KCTD16: variants seen among roughly 807,000 people sequenced by gnomAD.
The protein encoded by KCTD16 is potassium channel tetramerization domain containing 16, also known as BTB/POZ domain-containing protein KCTD16.
A neutral mutation model predicts 33.2 loss-of-function variants in KCTD16; 13 were observed. That is an observed-to-expected ratio of 0.39 (90% confidence interval 0.25 to 0.62). The LOEUF (loss-of-function observed/expected upper bound fraction) is 0.62. Among genes scored for constraint, KCTD16 ranks in the 20% least tolerant of loss-of-function variants. The pLI is 0.50. For synonymous variants in KCTD16, 197 were observed against 195.3 expected (o/e 1.01, Z -0.07); for missense variants, 441 against 525.1 (o/e 0.84, Z 1.57).
intron 3 of KCTD16, among the ~76,000 whole-genome samples, chr5:144,318,959 A>G (rs984848744): frequency 1.3e-5 from 2 of 152,314 alleles, no homozygotes; most frequent in South Asian, 4.1e-4. Context: ...ACACTGTTTA[A>G]AGAAAAGTTT....
chr5:144,323,331 C>G (rs1168047101), intron 3 of KCTD16, among the ~76,000 whole-genome samples: 2 of 152,038 alleles, frequency 1.3e-5, no homozygotes, highest in Non-Finnish European at 1.5e-5. Flanking sequence ...TCTGGGTTCT[C>G]CAAGAAACAG....
At chr5:144,250,668 T>G (rs1754673416) in intron 3 of KCTD16, among the ~76,000 whole-genome samples, 1 of 152,154 alleles carries the variant, frequency 6.6e-6, no homozygotes, top group Non-Finnish European at 1.5e-5. Context: ...CTTTTTAGAG[T>G]CAGACATACT....
At chr5:144,245,357 GA>G (rs1244187048) in intron 3 of KCTD16, among the ~76,000 whole-genome samples, 1 of 152,182 alleles carries the variant, frequency 6.6e-6, no homozygotes, top group Non-Finnish European at 1.5e-5. Context: ...AGAAGTCAAG[GA>G]AAACATCCGC....
chr5:144,391,978 C>A (rs756325009), intron 3 of KCTD16, among the ~76,000 whole-genome samples: 11 of 152,206 alleles, frequency 7.2e-5, no homozygotes, highest in Middle Eastern at 3.4e-3. Flanking sequence ...GGGGAAAAAA[C>A]CATTATTTCT....
chr5:144,188,276 C>T (rs1406552491), intron 2 of KCTD16, among the ~76,000 whole-genome samples: 5 of 152,166 alleles, frequency 3.3e-5, no homozygotes, highest in African/African-American at 1.2e-4. Flanking sequence ...CTTTGTACCT[C>T]TTCCAGATTT....
intron 3 of KCTD16, among the ~76,000 whole-genome samples, chr5:144,430,222 A>G (rs1218033150): frequency 2.0e-5 from 3 of 152,262 alleles, no homozygotes; most frequent in African/African-American, 7.2e-5. Flanking sequence ...GCACTAACCA[A>G]TGAGTTTCAT....
chr5:144,228,677 A>G (rs1451753928), intron 3 of KCTD16, among the ~76,000 whole-genome samples: 1 of 152,198 alleles, frequency 6.6e-6, no homozygotes, highest in African/African-American at 2.4e-5. Context: ...TAGAGAAAAA[A>G]GTCAACAATT....
intron 3 of KCTD16, among the ~76,000 whole-genome samples, chr5:144,418,655 A>G (rs1341651485): frequency 6.6e-6 from 1 of 152,128 alleles, no homozygotes; most frequent in Non-Finnish European, 1.5e-5. Flanking sequence ...TATTTTTGAC[A>G]TTACTTGCTT....
chr5:144,229,501 T>C (rs1580805836), intron 3 of KCTD16, among the ~76,000 whole-genome samples: 1 of 152,172 alleles, frequency 6.6e-6, no homozygotes, highest in Non-Finnish European at 1.5e-5. Flanking sequence ...TGTTAGGAGT[T>C]AGGAGTACTC....
chr5:144,364,103 G>T (rs951132063), intron 3 of KCTD16, among the ~76,000 whole-genome samples: 1 of 152,026 alleles, frequency 6.6e-6, no homozygotes, highest in African/African-American at 2.4e-5. Context: ...GTCACTTTTG[G>T]AATGAAAATA....
At chr5:144,384,680 G>T (rs898273223) in intron 3 of KCTD16, among the ~76,000 whole-genome samples, 1 of 151,880 alleles carries the variant, frequency 6.6e-6, no homozygotes, top group East Asian at 1.9e-4. Flanking sequence ...CTATTGTTCC[G>T]TATTCATCAT....
intron 2 of KCTD16, among the ~76,000 whole-genome samples, chr5:144,174,953 A>G (rs1752469075): frequency 6.6e-6 from 1 of 152,218 alleles, no homozygotes; most frequent in Non-Finnish European, 1.5e-5. Flanking sequence ...AATTTCAGTG[A>G]AAGCACTGAA....
chr5:144,262,046 C>T (rs1490938696), intron 3 of KCTD16, among the ~76,000 whole-genome samples: 1 of 152,142 alleles, frequency 6.6e-6, no homozygotes, highest in Non-Finnish European at 1.5e-5. Flanking sequence ...TCCTCCCTTT[C>T]TGAGAAAGAA....
intron 3 of KCTD16, among the ~76,000 whole-genome samples, chr5:144,246,817 G>T (rs1363349429): frequency 1.3e-5 from 2 of 151,696 alleles, no homozygotes; most frequent in African/African-American, 4.9e-5. Context: ...TGATTTCTGT[G>T]TCATTCCTCC....
intron 3 of KCTD16, among the ~76,000 whole-genome samples, chr5:144,291,322 T>C (rs1413880555): frequency 6.6e-6 from 1 of 152,230 alleles, no homozygotes. Flanking sequence ...TCCATACTGG[T>C]ATACACTTTG....
chr5:144,448,681 T>C (rs1753876033), intron 3 of KCTD16, among the ~76,000 whole-genome samples: 1 of 152,062 alleles, frequency 6.6e-6, no homozygotes, highest in African/African-American at 2.4e-5. Context: ...TAAGGAACCT[T>C]CCTGTTTTAG....
At chr5:144,272,107 G>A (rs139725435) in intron 3 of KCTD16, among the ~76,000 whole-genome samples, 111 of 152,252 alleles carry the variant, frequency 7.3e-4, no homozygotes, top group African/African-American at 2.5e-3. Context: ...TAGATTGAAT[G>A]CAATGACTAT....
At chr5:144,435,568 T>A (rs534844789) in intron 3 of KCTD16, among the ~76,000 whole-genome samples, 2 of 152,344 alleles carry the variant, frequency 1.3e-5, no homozygotes, top group South Asian at 4.1e-4. Flanking sequence ...ACAAACAAAA[T>A]TCTGCAATAA....
At position 144,393,878 on chromosome 5, in the gene KCTD16, G is replaced by A. The variant is rs553744913; in HGVS notation, c.833-79782G>A. On this transcript the variant is annotated intron_variant, in intron 3 of 3. Transcript: ENST00000512467. Reference sequence around the variant, plus strand: ...CAGCTTGTTTCGCAGCTCCACATTTGTTTAAAGCTCTCTAACAGGCTGAAT... The same window carrying A: ...CAGCTTGTTTCGCAGCTCCACATTTATTTAAAGCTCTCTAACAGGCTGAAT... 1.9e-4 allele frequency among the ~76,000 whole-genome samples: 29 copies of A among 149,796 alleles called. No homozygotes were observed. The South Asian group carries it at 6.3e-3, about 32-fold the overall frequency.
Sources: gnomAD v4.1 joint callset for allele counts (sites outside exome capture counted in the v4.1 genomes callset) on GRCh38, gnomAD v4.1.1 for gene constraint, MANE v1.5 for transcripts, NCBI Gene and HGNC (gene_info 2026-07-23, HGNC 2026-07-21) for gene names.